Variants in USP35 observed in about 807,000 individuals in gnomAD.
USP35 encodes ubiquitin specific peptidase 35.
Under a neutral mutation model 83.8 loss-of-function variants are expected in USP35, and 69 were observed. The ratio of observed to expected loss-of-function variants is 0.82; its 90% CI spans 0.68 to 1.01. The LOEUF (loss-of-function observed/expected upper bound fraction) is 1.01, where lower values mean the gene tolerates loss of function less well. Among genes scored for constraint, USP35 ranks in the 50% least tolerant of loss-of-function variants. USP35 has a pLI of 0.00. For synonymous variants in USP35, 714 were observed against 589.5 expected, an observed-to-expected ratio of 1.21 and a Z score of -3.06; for missense variants, 1,503 against 1,362.5, an observed-to-expected ratio of 1.10 and a Z score of -1.62.
rs535585902 is a variant in USP35, at chr11:78,214,158, T to C, written c.*345T>C. The C allele has an allele frequency of 4.8e-5, 10 of 210,222 alleles. No homozygotes were observed. The South Asian group carries it at 1.1e-3, about 22-fold the overall frequency. 13.0% of individuals were successfully genotyped at this position (210,222 alleles called of 1,614,324 possible). ...GAAACAGGCTAGACCTCAGCTCCAA[T>C]GTTTTGACATCAAGTACTATTTTCC... On this transcript the variant is annotated 3_prime_UTR_variant, in exon 11 of 11. Transcript: ENST00000529308.
At chr11:78,200,308 C>A in intron 5 of USP35, 74 bp downstream of exon 5, 2 of 1,528,872 alleles carry the variant, frequency 1.3e-6, no homozygotes, top group East Asian at 2.3e-5. Flanking sequence ...CCTACTGCCC[C>A]TGGTAAGGGC....
At chr11:78,222,330 C>T in the USP35 span, 2 of 644,752 alleles carry the variant, frequency 3.1e-6, no homozygotes, top group Middle Eastern at 2.5e-4. Context: ...AACTGACGCT[C>T]AGCGAGGTTG....
At chr11:78,234,360 G>A in the USP35 span, among the ~76,000 whole-genome samples, 2 of 152,084 alleles carry the variant, frequency 1.3e-5, no homozygotes, top group Non-Finnish European at 2.9e-5. Flanking sequence ...TGGGATTACA[G>A]GCGTGAACTA....
In USP35 at chr11:78,192,636, T is replaced by C. The variant is rs368909666; in HGVS notation, c.-11+3479T>C. On this transcript the variant is annotated intron_variant, in intron 1 of 10. Coordinates refer to ENST00000529308, the MANE Select transcript of USP35 (RefSeq NM_020798.4). Reference sequence around the variant, plus strand: ...GCCAGGCTACGGACTGAGCAGAGGCTGCCGGCTGGCCTTGGAGATCAGAGC... The same window carrying C: ...GCCAGGCTACGGACTGAGCAGAGGCCGCCGGCTGGCCTTGGAGATCAGAGC... 2.8e-4 allele frequency among the ~76,000 whole-genome samples: 43 copies of C among 152,332 alleles called. No individual in the cohort carries two copies. In the East Asian group the frequency reaches 3.7e-3, roughly 13 times the overall value.
the USP35 span, chr11:78,221,745 G>T: frequency 5.0e-6 from 8 of 1,613,454 alleles, no homozygotes; most frequent in Non-Finnish European, 5.1e-6. Context: ...GAGATGGGGC[G>T]GCAGTACTGG....
the USP35 span, among the ~76,000 whole-genome samples, chr11:78,221,080 G>C: frequency 0.18 from 27,695 of 152,056 alleles, 2,802 homozygotes; most frequent in East Asian, 0.39. Context: ...ATCCAGGCTC[G>C]TGCTCTAGCA....
At chr11:78,220,640 G>A in the USP35 span, among the ~76,000 whole-genome samples, 1 of 152,254 alleles carries the variant, frequency 6.6e-6, no homozygotes, top group East Asian at 1.9e-4. Context: ...TGTTGATACT[G>A]TTTAAAGCAA....
chr11:78,212,105 G>C (rs1218504476), intron 10 of USP35, among the ~76,000 whole-genome samples: 1 of 152,150 alleles, frequency 6.6e-6, no homozygotes, highest in Non-Finnish European at 1.5e-5. Flanking sequence ...TCCATCGAGT[G>C]AATTTTTTGT....
intron 1 of USP35, among the ~76,000 whole-genome samples, chr11:78,189,748 T>C (rs1043482914): frequency 6.6e-6 from 1 of 152,206 alleles, no homozygotes; most frequent in Non-Finnish European, 1.5e-5. Flanking sequence ...GAATAGCTGC[T>C]CCTGCTTTCT....
rs534890716 is a variant in USP35 at position 78,200,905 on chromosome 11, C to T, written c.1197+97C>T. 31 of 1,477,604 alleles carry T rather than the reference C, an allele frequency of 2.1e-5. 1 individual carries two copies. The highest frequency in any genetic ancestry group is 9.5e-5 in the East Asian group (4 of 42,206). 91.5% of individuals were successfully genotyped at this position (1,477,604 alleles called of 1,614,324 possible). On this transcript the variant is annotated intron_variant, in intron 6 of 10. Coordinates refer to ENST00000529308, the MANE Select transcript of USP35 (RefSeq NM_020798.4). ...CATACCACAGCTTGGTGGCAGTCCC[C>T]GTCATTTGGTGCCTGGCTGTCTCCC... is the stretch of plus-strand genomic sequence containing the variant.
chr11:78,196,361 T>G lies in USP35; in HGVS notation c.116T>G (p.Leu39Arg). ...ARQPLEREQC[L>R]ALLALGARLY... ...CAGCCGCTGGAGCGTGAGCAGTGCC[T>G]GGCGCTGCTGGCGCTGGGCGCGCGC... is the stretch of plus-strand genomic sequence containing the variant. The change falls in exon 2 of 11, where the codon CTG (leucine) becomes CGG (arginine). Residue 39 changes from leucine (L) to arginine (R), a missense_variant. Leu to Arg is a moderately radical substitution (Grantham distance 102, BLOSUM62 -2). Coordinates refer to ENST00000529308, the MANE Select transcript of USP35 (RefSeq NM_020798.4). This position sits in a 1 kb window ranked among gnomAD's most constrained non-coding sequence, Gnocchi z 4.8. The G allele has an allele frequency of 3.3e-6, 5 of 1,530,056 alleles. No individual in the cohort carries two copies. The highest frequency in any genetic ancestry group is 4.3e-6 in the Non-Finnish European group (5 of 1,151,858). 94.8% of individuals were successfully genotyped at this position (1,530,056 alleles called of 1,614,324 possible).
chr11:78,229,206 G>A, the USP35 span, among the ~76,000 whole-genome samples: 1 of 152,128 alleles, frequency 6.6e-6, no homozygotes, highest in South Asian at 2.1e-4. Context: ...AGTGAGTCTG[G>A]AAGGATGAGC....
the USP35 span, chr11:78,220,554 C>T: frequency 1.2e-6 from 1 of 851,294 alleles, no homozygotes; most frequent in East Asian, 2.6e-5. Context: ...CCTACTCTGA[C>T]ACATGCACCA....
At chr11:78,212,942 G>C (rs541665823) in intron 10 of USP35, among the ~76,000 whole-genome samples, 133 of 152,272 alleles carry the variant, frequency 8.7e-4, no homozygotes, top group Middle Eastern at 3.4e-3. Context: ...CTACCCACGT[G>C]AGCCTCCTGT....
chr11:78,221,889 C>G, the USP35 span: 1 of 725,098 alleles, frequency 1.4e-6, no homozygotes, highest in Non-Finnish European at 2.4e-6. Context: ...GCCATTAGAG[C>G]TGCACACTCC....
chr11:78,210,136 G>A lies in USP35; in HGVS notation c.2281G>A (p.Val761Ile), dbSNP rs371671590. 69 of 1,613,172 alleles carry A rather than the reference G, an allele frequency of 4.3e-5. No homozygotes were observed. The highest frequency in any genetic ancestry group is 8.3e-5 in the Admixed American group (5 of 59,950). ...ATGTGGCTCTGAGGGCTCCCGCTCC[G>A]TCCTGGACCTGGTTAACTACTTCCT... ...RTCGSEGSRS[V>I]LDLVNYFLSP... is the part of the protein sequence containing the mutation. The change falls in exon 10 of 11, where the codon GTC (valine) becomes ATC (isoleucine). Residue 761 changes from valine to isoleucine, a missense_variant. Physicochemically the swap from Val to Ile is conservative, Grantham distance 29. Transcript: ENST00000529308.
At position 78,213,721 on chromosome 11, in the gene USP35, TTTGATGAAGACAAGGATG is replaced by T; in HGVS notation, c.2966_2983del (p.Phe989_Glu995delinsTer). The T allele has an allele frequency of 6.5e-7, 1 of 1,534,386 alleles. No homozygotes were observed. The highest frequency in any genetic ancestry group is 8.7e-7 in the Non-Finnish European group (1 of 1,151,048). On this transcript the variant is annotated stop_gained and inframe_deletion, in exon 11 of 11. Transcript: ENST00000529308. LOFTEE classifies it high-confidence loss of function. ...CACATCTCCGCACTGGGGGAGGGGC[TTTGATGAAGACAAGGATG>T]AGGATGAAGGCTCTCCAGGGGGCTG...
Position 78,212,509 on chromosome 11 carries a change from G to GTTAA in USP35, c.2890-1133_2890-1130dup, listed in dbSNP as rs368279376. Among the ~76,000 whole-genome samples, 441 of 152,280 alleles carry GTTAA rather than the reference G, an allele frequency of 2.9e-3. 2 individuals carry two copies. The highest frequency in any genetic ancestry group is 0.01 in the African/African-American group (419 of 41,550). The stretch of plus-strand genomic sequence containing the variant: ...GTTTAACGGGAATAGCATTGAATCT[G>GTTAA]TTAATTACATTGGGCAGTATGGCCA... On this transcript the variant is annotated intron_variant, in intron 10 of 10. Transcript: ENST00000529308.
chr11:78,189,984 C>G (rs367574981), intron 1 of USP35, among the ~76,000 whole-genome samples: 6 of 152,148 alleles, frequency 3.9e-5, no homozygotes, highest in East Asian at 3.9e-4. Context: ...TGGAGGGCAC[C>G]ACCTGGTGTC....
Sources: allele counts gnomAD v4.1 joint callset (sites outside exome capture counted in the v4.1 genomes callset), GRCh38; gene constraint gnomAD v4.1.1; non-coding constraint Gnocchi (gnomAD v3.1); transcripts MANE v1.5; gene names NCBI Gene and HGNC (gene_info 2026-07-23, HGNC 2026-07-21).